The following SPATA16 variants were observed in gnomAD, a reference collection of about 807,000 sequenced individuals.
SPATA16 encodes spermatogenesis-associated protein 16.
A neutral mutation model predicts 63.3 loss-of-function variants in SPATA16; 36 were observed. The ratio of observed to expected loss-of-function variants is 0.57; its 90% confidence interval spans 0.44 to 0.75. SPATA16 has a LOEUF of 0.75. SPATA16 is among the 30% of genes least tolerant of loss of function. The pLI, the probability that SPATA16 is intolerant of heterozygous loss-of-function variation, is 0.00. For synonymous variants in SPATA16, 203 were observed against 216.7 expected, an observed-to-expected ratio of 0.94 and a Z score of 0.56; for missense variants, 646 against 679.3, an observed-to-expected ratio of 0.95 and a Z score of 0.54.
intron 10 of SPATA16, among the ~76,000 whole-genome samples, chr3:172,900,244 T>G (rs1490736150): frequency 4.6e-5 from 7 of 152,214 alleles, no homozygotes; most frequent in Non-Finnish European, 1.0e-4. Context: ...ATTATGCCAC[T>G]TACTACTGGC....
At chr3:173,068,291 T>C (rs1736572177) in intron 2 of SPATA16, among the ~76,000 whole-genome samples, 1 of 152,164 alleles carries the variant, frequency 6.6e-6, no homozygotes, top group Non-Finnish European at 1.5e-5. Flanking sequence ...AACTACTATT[T>C]AGATATAGAC....
intron 5 of SPATA16, among the ~76,000 whole-genome samples, chr3:172,966,149 G>A (rs1733915588): frequency 6.6e-6 from 1 of 151,994 alleles, no homozygotes; most frequent in African/African-American, 2.4e-5. Flanking sequence ...GTTTCTATGT[G>A]CTTTGTGACA....
chr3:173,114,317 T>TGGA (rs890479097), intron 2 of SPATA16, among the ~76,000 whole-genome samples: 11 of 152,176 alleles, frequency 7.2e-5, no homozygotes, highest in African/African-American at 2.7e-4. Flanking sequence ...TAGAGCCATC[T>TGGA]GGAATAAAGA....
At chr3:172,939,124 G>A (rs533794245) in intron 6 of SPATA16, among the ~76,000 whole-genome samples, 17 of 152,084 alleles carry the variant, frequency 1.1e-4, no homozygotes, top group Admixed American at 6.6e-4. Flanking sequence ...TACTCTCCAT[G>A]CATTATGATT....
Position 173,077,721 on chromosome 3 carries a change from C to T in SPATA16, c.613-28627G>A, listed in dbSNP as rs145724046. Reference sequence around the variant, plus strand: ...CCAACTAATACCCTTATATCAGAGTCTCCTAAAGGCTCTGTGAAAATGTTT... The same window carrying T: ...CCAACTAATACCCTTATATCAGAGTTTCCTAAAGGCTCTGTGAAAATGTTT... On this transcript the variant is annotated intron_variant, in intron 2 of 10. Transcript: ENST00000351008. Among the ~76,000 whole-genome samples, 184 of 152,270 alleles carry T rather than the reference C, an allele frequency of 1.2e-3. 1 individual carries two copies. Among genetic ancestry groups the T allele is most frequent in the Admixed American group, 2.0e-3 (31 of 15,288 alleles).
chr3:173,127,521 A>T (rs113792680), intron 1 of SPATA16, among the ~76,000 whole-genome samples: 66 of 152,212 alleles, frequency 4.3e-4, no homozygotes, highest in African/African-American at 1.6e-3. Flanking sequence ...TTCTTTCTTC[A>T]GCTTTTTTCT....
intron 2 of SPATA16, among the ~76,000 whole-genome samples, chr3:173,060,988 G>T (rs1016669332): frequency 6.6e-6 from 1 of 152,014 alleles, no homozygotes; most frequent in African/African-American, 2.4e-5. Context: ...AGATTGAGTT[G>T]GTGGTTTTTC....
intron 3 of SPATA16, among the ~76,000 whole-genome samples, chr3:173,037,111 A>G (rs1735730893): frequency 6.6e-6 from 1 of 152,022 alleles, no homozygotes; most frequent in Non-Finnish European, 1.5e-5. Flanking sequence ...ATACAAGTAA[A>G]TAGTCAAAAT....
chr3:172,970,156 G>T (rs956294087), intron 5 of SPATA16, among the ~76,000 whole-genome samples: 3 of 152,170 alleles, frequency 2.0e-5, no homozygotes, highest in Admixed American at 2.0e-4. Flanking sequence ...TTTGGAACTA[G>T]AAGTTAAATT....
intron 3 of SPATA16, among the ~76,000 whole-genome samples, chr3:173,040,045 A>G (rs1184153603): frequency 6.6e-6 from 1 of 151,976 alleles, no homozygotes; most frequent in Non-Finnish European, 1.5e-5. Flanking sequence ...CTATGTCTTT[A>G]CATTTTCCTC....
intron 5 of SPATA16, among the ~76,000 whole-genome samples, chr3:172,961,441 C>A (rs1733782592): frequency 6.6e-6 from 1 of 152,294 alleles, no homozygotes; most frequent in Admixed American, 6.5e-5. Flanking sequence ...GTAGCCCAGA[C>A]TGGAGTGCAG....
chr3:172,950,075 T>G lies in SPATA16; in HGVS notation c.1081+6602A>C, dbSNP rs575938201. On this transcript the variant is annotated intron_variant, in intron 6 of 10. Transcript: ENST00000351008. Reference sequence around the variant, plus strand: ...TATATTACTTCCACTTATTTTTGGATTATTGACTGCTGTTTCTTTAAATGC... The same window carrying G: ...TATATTACTTCCACTTATTTTTGGAGTATTGACTGCTGTTTCTTTAAATGC... Among the ~76,000 whole-genome samples, 53 of 152,334 alleles carry G rather than the reference T, an allele frequency of 3.5e-4. No individual in the cohort carries two copies. In the South Asian group the frequency reaches 0.011, roughly 30 times the overall value.
At chr3:172,994,213 G>T (rs1734646629) in intron 4 of SPATA16, among the ~76,000 whole-genome samples, 1 of 152,124 alleles carries the variant, frequency 6.6e-6, no homozygotes, top group South Asian at 2.1e-4. Flanking sequence ...GCCCCCTTTG[G>T]AAGAAGAAAC....
At position 173,126,303 on chromosome 3, in the gene SPATA16, A is replaced by G. The variant is rs189733491; in HGVS notation, c.-18-8554T>C. 3.9e-5 allele frequency among the ~76,000 whole-genome samples: 6 copies of G among 152,322 alleles called. No individual in the cohort carries two copies. In the East Asian group the frequency reaches 1.2e-3, roughly 29 times the overall value. On this transcript the variant is annotated intron_variant, in intron 1 of 10. Coordinates refer to ENST00000351008, the MANE Select transcript of SPATA16 (RefSeq NM_031955.6). ...ATTGTATTTCTTCAAAATCCTTAAC[A>G]CAATTTGTAAAAACAATTACTCATT...
chr3:172,889,792 A>T, intron 10 of SPATA16, 100 bp from the exon 11 acceptor site: 1 of 1,504,928 alleles, frequency 6.6e-7, no homozygotes, highest in South Asian at 1.2e-5. Context: ...GGCACATACA[A>T]ATCCATGTTG....
intron 4 of SPATA16, among the ~76,000 whole-genome samples, chr3:172,984,065 T>C (rs1734385269): frequency 6.6e-6 from 1 of 152,072 alleles, no homozygotes; most frequent in South Asian, 2.1e-4. Context: ...CTTTCTCTAG[T>C]CCTGTGCTGT....
At chr3:173,110,592 G>A (rs1737726719) in intron 2 of SPATA16, among the ~76,000 whole-genome samples, 1 of 152,184 alleles carries the variant, frequency 6.6e-6, no homozygotes, top group Admixed American at 6.5e-5. Context: ...CATGAATTTA[G>A]ATTTCATTAT....
intron 3 of SPATA16, among the ~76,000 whole-genome samples, chr3:173,046,813 C>A (rs1490671480): frequency 6.6e-6 from 1 of 151,902 alleles, no homozygotes; most frequent in South Asian, 2.1e-4. Context: ...ATATTAAAAT[C>A]ATATGTATTG....
At chr3:173,043,251 A>C (rs1577145647) in intron 3 of SPATA16, among the ~76,000 whole-genome samples, 1 of 148,350 alleles carries the variant, frequency 6.7e-6, no homozygotes, top group Non-Finnish European at 1.5e-5. Flanking sequence ...TCCTTTCTTG[A>C]CTTATTTTCA....
Sources: gnomAD v4.1 joint callset for allele counts (sites outside exome capture counted in the v4.1 genomes callset) on GRCh38, gnomAD v4.1.1 for gene constraint, MANE v1.5 for transcripts, NCBI Gene and HGNC (gene_info 2026-07-23, HGNC 2026-07-21) for gene names.